The following ZNF341 variants were observed in gnomAD, a reference collection of about 807,000 sequenced individuals.
The protein encoded by ZNF341 is zinc finger protein 341.
In ZNF341, 52 loss-of-function variants were observed where a neutral mutation model predicts 87.7. The observed-to-expected ratio is 0.59, with a 90% CI of 0.47 to 0.75. The LOEUF (loss-of-function observed/expected upper bound fraction) is 0.75, where lower values mean the gene tolerates loss of function less well. ZNF341 is among the 30% of genes least tolerant of loss of function. The probability of loss-of-function intolerance (pLI) is 0.00; values close to 1 mark genes in which losing one functional copy is unlikely to be tolerated. For missense variants in ZNF341, 977 were observed against 1,145.9 expected, an observed-to-expected ratio of 0.85 and a Z score of 2.13; for synonymous variants, 459 against 472.7, an observed-to-expected ratio of 0.97 and a Z score of 0.38.
At chr20:33,738,886 G>A (rs1017456353) in intron 1 of ZNF341, among the ~76,000 whole-genome samples, 1 of 152,230 alleles carries the variant, frequency 6.6e-6, no homozygotes, top group Admixed American at 6.5e-5. Flanking sequence ...CGCTGGCAGC[G>A]TCAGGAGGGA....
At position 33,791,536 on chromosome 20, in the gene ZNF341, T is replaced by C. The variant is rs1339452960; in HGVS notation, c.*19T>C. ...CGAGTGACGGACCTGAGGTGTCTGTTTCCTGGGCAGGCCTGATGCTCCTGT... is the reference window on the plus strand; with the variant it reads ...CGAGTGACGGACCTGAGGTGTCTGTCTCCTGGGCAGGCCTGATGCTCCTGT... On this transcript the variant is annotated 3_prime_UTR_variant, in exon 15 of 15. Transcript: ENST00000375200. 1 of 1,528,840 alleles carries C rather than the reference T, an allele frequency of 6.5e-7. No homozygotes were observed. The highest frequency in any genetic ancestry group is 8.8e-7 in the Non-Finnish European group (1 of 1,141,176). 94.7% of individuals were successfully genotyped at this position (1,528,840 alleles called of 1,614,324 possible).
intron 9 of ZNF341, among the ~76,000 whole-genome samples, 166 bp downstream of exon 9, chr20:33,767,207 G>T (rs1041898995): frequency 7.9e-5 from 12 of 152,106 alleles, no homozygotes; most frequent in African/African-American, 2.7e-4. Context: ...ATGAAGTAAG[G>T]TTACCCTTGG....
chr20:33,786,129 A>G (rs1197768212), intron 12 of ZNF341, among the ~76,000 whole-genome samples: 1 of 146,456 alleles, frequency 6.8e-6, no homozygotes, highest in Non-Finnish European at 1.5e-5. Flanking sequence ...TTAGCCTTCC[A>G]AGTAGCTGGG....
At chr20:33,755,879 C>A (rs1405062028) in intron 5 of ZNF341, among the ~76,000 whole-genome samples, 2 of 152,024 alleles carry the variant, frequency 1.3e-5, no homozygotes, top group Non-Finnish European at 2.9e-5. Flanking sequence ...CAGGCATGAG[C>A]CATCGTGCCT....
Position 33,781,447 on chromosome 20 carries a change from T to G in ZNF341, c.1719+60T>G, listed in dbSNP as rs1002893051. The G allele has an allele frequency of 4.3e-5, 63 of 1,471,290 alleles. 1 individual carries two copies. The African/African-American group carries it at 7.9e-4, about 18-fold the overall frequency. The allele number at this position is 1,471,290 out of a possible 1,614,324, so 91.1% of individuals were successfully genotyped here. ...CTATAATAAGGGCAAGGAGGTGGGG[T>G]GGGGTGCACACCTCACCCTTTCCTT... On this transcript the variant is annotated intron_variant, in intron 11 of 14. Coordinates refer to ENST00000375200, the MANE Select transcript of ZNF341 (RefSeq NM_001282933.2).
chr20:33,750,237 G>A lies in ZNF341; in HGVS notation c.489+1165G>A, dbSNP rs1340628283. 2.6e-5 allele frequency among the ~76,000 whole-genome samples: 4 copies of A among 152,110 alleles called. No homozygotes were observed. The South Asian group carries it at 6.2e-4, about 24-fold the overall frequency. The stretch of plus-strand genomic sequence containing the variant: ...CTCTCAAAGTGCTGGGATTGTAGAC[G>A]TGAGCTACTGCACCTGGCCAGGATT... On this transcript the variant is annotated intron_variant, in intron 4 of 14. Transcript: ENST00000375200.
intron 10 of ZNF341, among the ~76,000 whole-genome samples, chr20:33,780,751 C>G (rs1032051049): frequency 6.6e-6 from 1 of 150,412 alleles, no homozygotes; most frequent in Non-Finnish European, 1.5e-5. Context: ...GGTTCTCTTT[C>G]TGTTACCCAG....
chr20:33,735,369 C>G (rs943359061), intron 1 of ZNF341, among the ~76,000 whole-genome samples: 2 of 152,178 alleles, frequency 1.3e-5, no homozygotes, highest in East Asian at 1.9e-4. Context: ...GGATCTCACT[C>G]TGTCTCCAAA....
chr20:33,741,557 C>T (rs2018803817), intron 2 of ZNF341, among the ~76,000 whole-genome samples: 1 of 152,116 alleles, frequency 6.6e-6, no homozygotes, highest in Non-Finnish European at 1.5e-5. Context: ...GCGTGCGCCA[C>T]CACGCCTGGC....
chr20:33,788,652 C>A, intron 12 of ZNF341: 2 of 594,874 alleles, frequency 3.4e-6, no homozygotes, highest in South Asian at 1.8e-5. Context: ...TCATGCATGG[C>A]CTCATCAGAG....
In ZNF341 at chr20:33,791,189, C is replaced by A. The variant is rs773579457; in HGVS notation, c.2237C>A (p.Pro746His). The A allele has an allele frequency of 5.5e-5, 89 of 1,612,932 alleles. 1 individual carries two copies. The highest frequency in any genetic ancestry group is 6.3e-5 in the Non-Finnish European group (74 of 1,179,964). ...GACAAGGACCTGCAAACCCGGCGGC[C>A]CCCCCAGAGGAGGGCAGCCCCCCGC... ...QKDKDLQTRR[P>H]PQRRAAPRSC... Residue 746 changes from proline to histidine, a missense_variant, in exon 15 of 15, where the codon CCC (proline) becomes CAC (histidine). By Grantham distance (77) the Pro-to-His change is moderately conservative (BLOSUM62 -2). Around this residue, in one of 3 missense-constraint regions of ZNF341, gnomAD observed 221 missense variants for 212.7 expected, o/e 1.04. Coordinates refer to ENST00000375200, the MANE Select transcript of ZNF341 (RefSeq NM_001282933.2).
chr20:33,781,077 G>T (rs776825077), intron 10 of ZNF341, among the ~76,000 whole-genome samples: 16 of 152,126 alleles, frequency 1.1e-4, no homozygotes, highest in Non-Finnish European at 2.4e-4. Context: ...CAAGGCAGGG[G>T]CAGGGTGGCC....
intron 1 of ZNF341, among the ~76,000 whole-genome samples, chr20:33,737,246 G>A (rs2018708898): frequency 1.3e-5 from 2 of 152,334 alleles, no homozygotes; most frequent in African/African-American, 2.4e-5. Context: ...CAGGAGACTG[G>A]AATTGTGTTA....
chr20:33,766,745 G>A (rs929463448), intron 8 of ZNF341, 106 bp from the exon 9 acceptor site: 25 of 1,236,618 alleles, frequency 2.0e-5, no homozygotes, highest in South Asian at 4.4e-5. Flanking sequence ...GACCCAAAGC[G>A]AGTAGCAGGT....
At chr20:33,770,327 C>CG in intron 10 of ZNF341, 35 bp downstream of exon 10, 1 of 395,432 alleles carries the variant, frequency 2.5e-6, no homozygotes, top group South Asian at 1.9e-5. Context: ...CCTGGGTGGA[C>CG]GGGTGGGTGG....
intron 9 of ZNF341, among the ~76,000 whole-genome samples, chr20:33,769,642 G>A (rs910124634): frequency 1.3e-5 from 2 of 152,218 alleles, no homozygotes; most frequent in African/African-American, 4.8e-5. Context: ...TGGGCACAGT[G>A]GCTCATGCCT....
At chr20:33,779,295 A>C (rs1479973215) in intron 10 of ZNF341, among the ~76,000 whole-genome samples, 1 of 152,132 alleles carries the variant, frequency 6.6e-6, no homozygotes, top group Admixed American at 6.6e-5. Flanking sequence ...GGACTGCACC[A>C]AGGGGATGGT....
At chr20:33,748,891 G>A (rs370690096) in intron 3 of ZNF341, 32 bp from the exon 4 acceptor site, 183 of 1,588,954 alleles carry the variant, frequency 1.2e-4, no homozygotes, top group Non-Finnish European at 1.4e-4. Context: ...GTCTCTCTCC[G>A]TCTCACTCAT....
At chr20:33,740,485 G>A (rs918143571) in intron 1 of ZNF341, among the ~76,000 whole-genome samples, 4 of 152,070 alleles carry the variant, frequency 2.6e-5, no homozygotes, top group Non-Finnish European at 5.9e-5. Flanking sequence ...GGGCATAGCC[G>A]GCCATCCTTG....
Sources: gnomAD v4.1 joint callset for allele counts (sites outside exome capture counted in the v4.1 genomes callset) on GRCh38, gnomAD v4.1.1 for gene constraint, gnomAD v4.1.1 regional missense constraint, MANE v1.5 for transcripts, NCBI Gene and HGNC (gene_info 2026-07-23, HGNC 2026-07-21) for gene names.